Variants in STAG1 observed in about 807,000 individuals in gnomAD.
STAG1 encodes the protein STAG1 cohesin complex component, also known as cohesin subunit SA-1.
In STAG1, 26 loss-of-function variants were observed where a neutral mutation model predicts 170.9. That is an observed-to-expected ratio of 0.15 (90% confidence interval 0.11 to 0.21). The LOEUF (loss-of-function observed/expected upper bound fraction) is 0.21, where lower values mean the gene tolerates loss of function less well. Ranked by LOEUF, STAG1 falls within the 10% of genes least tolerant of loss-of-function variation. The pLI, the probability that STAG1 is intolerant of heterozygous loss-of-function variation, is 1.00. For missense variants in STAG1, 964 were observed against 1,509.5 expected, an observed-to-expected ratio of 0.64 and a Z score of 5.99; for synonymous variants, 514 against 497.7, an observed-to-expected ratio of 1.03 and a Z score of -0.44.
At chr3:136,379,502 A>G (rs1324180097) in intron 22 of STAG1, among the ~76,000 whole-genome samples, 1 of 152,216 alleles carries the variant, frequency 6.6e-6, no homozygotes, top group Non-Finnish European at 1.5e-5. Context: ...TGAGGTCAGG[A>G]GTTCGAGACC....
rs112760627 is a variant in STAG1 at position 136,356,061 on chromosome 3, T to TA, written c.3065+1658_3065+1659insT. 1.5e-3 allele frequency among the ~76,000 whole-genome samples: 233 copies of TA among 151,824 alleles called. 1 individual carries two copies. Among genetic ancestry groups the TA allele is most frequent in the African/African-American group, 5.4e-3 (225 of 41,430 alleles). ...GAAACTCTCGTTTGTCTGCCTGTTTTTTTTTTTTTTTTTAGAGACAGTCTC... is the reference window on the plus strand; with the variant it reads ...GAAACTCTCGTTTGTCTGCCTGTTTTATTTTTTTTTTTTTAGAGACAGTCTC... On this transcript the variant is annotated intron_variant, in intron 28 of 33. Coordinates refer to ENST00000383202, the MANE Select transcript of STAG1 (RefSeq NM_005862.3).
At chr3:136,613,717 A>G (rs1408128304) in intron 3 of STAG1, among the ~76,000 whole-genome samples, 1 of 151,974 alleles carries the variant, frequency 6.6e-6, no homozygotes, top group African/African-American at 2.4e-5. Context: ...GAACTCCTGG[A>G]CTCAAGTGAT....
chr3:136,489,426 G>T (rs1312108914), intron 9 of STAG1, among the ~76,000 whole-genome samples: 1 of 152,192 alleles, frequency 6.6e-6, no homozygotes, highest in South Asian at 2.1e-4. Flanking sequence ...CAGTAAGGAT[G>T]CAGACTAAAT....
chr3:136,724,431 T>C (rs1933539474), intron 1 of STAG1, among the ~76,000 whole-genome samples: 1 of 151,156 alleles, frequency 6.6e-6, no homozygotes, highest in African/African-American at 2.4e-5. Flanking sequence ...TCATCACCAC[T>C]CCCTAATCTC....
intron 1 of STAG1, among the ~76,000 whole-genome samples, chr3:136,640,802 A>G (rs1940764621): frequency 6.7e-6 from 1 of 149,270 alleles, no homozygotes; most frequent in Non-Finnish European, 1.5e-5. Flanking sequence ...CCTCCCGAGT[A>G]GTTGGGATTA....
intron 21 of STAG1, among the ~76,000 whole-genome samples, chr3:136,405,899 T>C (rs2087470867): frequency 6.8e-6 from 1 of 147,668 alleles, no homozygotes; most frequent in Non-Finnish European, 1.5e-5. Context: ...CAAGTACCAA[T>C]GACGATACAC....
chr3:136,565,617 G>C (rs548975987), intron 5 of STAG1, among the ~76,000 whole-genome samples: 3 of 152,172 alleles, frequency 2.0e-5, no homozygotes, highest in Non-Finnish European at 4.4e-5. Context: ...AAAACAGTTT[G>C]GTGGTTCCTC....
intron 10 of STAG1, among the ~76,000 whole-genome samples, chr3:136,474,719 A>G (rs2089702485): frequency 6.6e-6 from 1 of 152,196 alleles, no homozygotes; most frequent in Non-Finnish European, 1.5e-5. Flanking sequence ...ACACAAGCGA[A>G]AGCTGAAGTG....
At chr3:136,395,077 A>C (rs2087113750) in intron 22 of STAG1, among the ~76,000 whole-genome samples, 1 of 152,006 alleles carries the variant, frequency 6.6e-6, no homozygotes, top group African/African-American at 2.4e-5. Context: ...GTGGGCAACC[A>C]GGGTGAGACC....
chr3:136,612,187 AAAG>A (rs1939329865), intron 3 of STAG1, among the ~76,000 whole-genome samples: 1 of 152,180 alleles, frequency 6.6e-6, no homozygotes. Context: ...TCGGATTCAG[AAAG>A]TTTCGAACTT....
intron 1 of STAG1, among the ~76,000 whole-genome samples, chr3:136,733,309 C>A (rs1185733390): frequency 6.6e-6 from 1 of 151,824 alleles, no homozygotes; most frequent in African/African-American, 2.4e-5. Flanking sequence ...TGGTCTCAAA[C>A]TTCTGAGCTC....
chr3:136,458,557 C>A (rs1010382898), intron 13 of STAG1, among the ~76,000 whole-genome samples: 1 of 151,864 alleles, frequency 6.6e-6, no homozygotes, highest in Non-Finnish European at 1.5e-5. Context: ...AGCACAGAAT[C>A]AAAATATATT....
chr3:136,481,818 T>C, intron 9 of STAG1, among the ~76,000 whole-genome samples: 1 of 84,172 alleles, frequency 1.2e-5, no homozygotes, highest in Non-Finnish European at 2.4e-5. Context: ...GGAGAGTGTA[T>C]GTGTCGAGGA....
chr3:136,358,113 G>A (rs1164594201), intron 27 of STAG1, among the ~76,000 whole-genome samples: 4 of 148,624 alleles, frequency 2.7e-5, no homozygotes, highest in Non-Finnish European at 4.4e-5. Flanking sequence ...TTTGAGACAA[G>A]GTCTCACTGT....
intron 1 of STAG1, among the ~76,000 whole-genome samples, chr3:136,722,550 T>C (rs1933342987): frequency 6.6e-6 from 1 of 152,028 alleles, no homozygotes; most frequent in African/African-American, 2.4e-5. Context: ...GAGAAAAAAC[T>C]AGGAACAAAG....
At chr3:136,631,206 C>T (rs1028850268) in intron 1 of STAG1, among the ~76,000 whole-genome samples, 1 of 152,214 alleles carries the variant, frequency 6.6e-6, no homozygotes, top group African/African-American at 2.4e-5. Context: ...AAACTACGCA[C>T]ATCCTCACAG....
At chr3:136,592,430 A>C (rs1236877526) in intron 4 of STAG1, among the ~76,000 whole-genome samples, 3 of 152,138 alleles carry the variant, frequency 2.0e-5, no homozygotes, top group Non-Finnish European at 4.4e-5. Context: ...CCATGATTGT[A>C]AGTTTCCTAA....
intron 9 of STAG1, among the ~76,000 whole-genome samples, chr3:136,498,684 A>T (rs547378316): frequency 6.6e-6 from 1 of 151,914 alleles, no homozygotes; most frequent in Non-Finnish European, 1.5e-5. Context: ...AGACCTCCAT[A>T]AAGTTGCAGT....
chr3:136,719,023 C>T (rs1388500550), intron 1 of STAG1, among the ~76,000 whole-genome samples: 2 of 152,160 alleles, frequency 1.3e-5, no homozygotes, highest in Admixed American at 6.5e-5. Flanking sequence ...AAATTTACTA[C>T]ATGACCGAGC....
Sources: allele counts gnomAD v4.1 joint callset (sites outside exome capture counted in the v4.1 genomes callset), GRCh38; gene constraint gnomAD v4.1.1; transcripts MANE v1.5; gene names NCBI Gene and HGNC (gene_info 2026-07-23, HGNC 2026-07-21).